RBFOX2: variants seen among roughly 807,000 people sequenced by gnomAD.
The protein encoded by RBFOX2 is RNA binding fox-1 homolog 2.
A neutral mutation model predicts 49.1 loss-of-function variants in RBFOX2; 10 were observed. That is an observed-to-expected ratio of 0.20 (90% CI 0.13 to 0.35). The LOEUF is 0.35. Among genes scored for constraint, RBFOX2 ranks in the 10% least tolerant of loss-of-function variants. The pLI is 1.00. For missense variants in RBFOX2, 323 were observed against 486.9 expected, an observed-to-expected ratio of 0.66 and a Z score of 3.17; for synonymous variants, 183 against 187.4, an observed-to-expected ratio of 0.98 and a Z score of 0.19.
chr22:35,763,634 T>C (rs1939768514), intron 6 of RBFOX2, among the ~76,000 whole-genome samples: 1 of 152,244 alleles, frequency 6.6e-6, no homozygotes, highest in South Asian at 2.1e-4. Context: ...TATTTAGTTT[T>C]AGAAAATTTA....
At chr22:35,839,679 A>T (rs1172462900) in intron 1 of RBFOX2, among the ~76,000 whole-genome samples, 1 of 152,240 alleles carries the variant, frequency 6.6e-6, no homozygotes, top group Non-Finnish European at 1.5e-5. Flanking sequence ...AAAATGAAAC[A>T]TTCTTTTCTA....
chr22:35,775,725 C>T (rs961568157), intron 4 of RBFOX2, among the ~76,000 whole-genome samples: 4 of 151,090 alleles, frequency 2.6e-5, no homozygotes, highest in South Asian at 2.1e-4. Context: ...CCTGTTATCC[C>T]AGCTACTCGG....
chr22:35,877,827 A>G (rs1258207664), intron 1 of RBFOX2, among the ~76,000 whole-genome samples: 1 of 152,112 alleles, frequency 6.6e-6, no homozygotes. Context: ...CTACCACTAT[A>G]AATTCTATAG....
intron 1 of RBFOX2, among the ~76,000 whole-genome samples, chr22:35,990,892 T>C (rs540062173): frequency 1.3e-4 from 20 of 152,304 alleles, no homozygotes; most frequent in African/African-American, 4.8e-4. Context: ...TAGGATTTTA[T>C]GTAAGCATTG....
intron 1 of RBFOX2, among the ~76,000 whole-genome samples, chr22:35,977,645 A>G (rs1365659695): frequency 1.3e-5 from 2 of 149,984 alleles, no homozygotes; most frequent in African/African-American, 4.9e-5. Context: ...ACATGTCTAT[A>G]TTACATTTGT....
intron 1 of RBFOX2, among the ~76,000 whole-genome samples, chr22:35,864,172 C>T (rs756298963): frequency 6.6e-6 from 1 of 152,078 alleles, no homozygotes; most frequent in Non-Finnish European, 1.5e-5. Flanking sequence ...AAATAAAGTA[C>T]AGCTGAACAT....
upstream of RBFOX2, among the ~76,000 whole-genome samples, chr22:35,941,984 T>C (rs1165461373): frequency 7.2e-5 from 11 of 152,222 alleles, no homozygotes; most frequent in Non-Finnish European, 1.0e-4. Context: ...ATGGATCCTA[T>C]TGCAGGTATT....
chr22:35,744,087 G>A (rs576305834), exon 12 of RBFOX2: 2 of 809,268 alleles, frequency 2.5e-6, no homozygotes, highest in East Asian at 6.4e-5. Context: ...GTTTTTTTTT[G>A]TTTGTTTGTT....
chr22:35,786,682 T>G (rs1224252946), intron 2 of RBFOX2, among the ~76,000 whole-genome samples: 3 of 152,162 alleles, frequency 2.0e-5, no homozygotes, highest in Non-Finnish European at 4.4e-5. Context: ...TATTGTACTT[T>G]ACATATATTA....
intron 1 of RBFOX2, among the ~76,000 whole-genome samples, chr22:35,815,245 A>C (rs891602960): frequency 6.6e-6 from 1 of 152,238 alleles, no homozygotes; most frequent in Non-Finnish European, 1.5e-5. Context: ...TGGGTTGTTT[A>C]CTTCAGAGGT....
At chr22:35,873,259 G>A (rs1305531777) in intron 1 of RBFOX2, among the ~76,000 whole-genome samples, 3 of 152,022 alleles carry the variant, frequency 2.0e-5, no homozygotes, top group South Asian at 2.1e-4. Context: ...GGCCTCCCAT[G>A]TATCTGGGAT....
chr22:35,836,599 C>A (rs1197549956), intron 1 of RBFOX2, among the ~76,000 whole-genome samples: 1 of 152,208 alleles, frequency 6.6e-6, no homozygotes, highest in Non-Finnish European at 1.5e-5. Context: ...TCCTCTTGGT[C>A]CTGATGGAAA....
upstream of RBFOX2, among the ~76,000 whole-genome samples, chr22:35,942,769 G>A (rs1015531425): frequency 1.3e-5 from 2 of 150,632 alleles, no homozygotes; most frequent in Non-Finnish European, 3.0e-5. Context: ...ATATAAAGAA[G>A]GATATATAAC....
intron 1 of RBFOX2, among the ~76,000 whole-genome samples, chr22:35,908,319 G>A (rs887670541): frequency 7.2e-5 from 11 of 152,096 alleles, no homozygotes; most frequent in African/African-American, 2.7e-4. Context: ...CTCATCATAA[G>A]TTGAAAATAT....
chr22:35,904,908 G>A (rs532358450), intron 1 of RBFOX2, among the ~76,000 whole-genome samples: 13 of 152,288 alleles, frequency 8.5e-5, no homozygotes, highest in Middle Eastern at 6.8e-3. Flanking sequence ...CAAGAGCCAC[G>A]TGAGGATAGT....
At chr22:35,822,825 G>GT in intron 1 of RBFOX2, 4 of 412,234 alleles carry the variant, frequency 9.7e-6, no homozygotes, top group Admixed American at 3.0e-5. Flanking sequence ...CCTTTGGGTT[G>GT]TCTTTTTTTT....
chr22:35,949,304 G>A (rs781629523), intron 1 of RBFOX2, among the ~76,000 whole-genome samples: 1 of 152,172 alleles, frequency 6.6e-6, no homozygotes, highest in Admixed American at 6.5e-5. Flanking sequence ...CACTTGGGTT[G>A]CCTCCACCTT....
chr22:35,859,130 T>C (rs1475583980), intron 1 of RBFOX2, among the ~76,000 whole-genome samples: 1 of 152,122 alleles, frequency 6.6e-6, no homozygotes, highest in African/African-American at 2.4e-5. Flanking sequence ...CTTATTCCAA[T>C]ATGGCTTGGG....
intron 6 of RBFOX2, 128 bp downstream of exon 7, chr22:35,765,295 G>T: frequency 1.5e-6 from 1 of 661,216 alleles, no homozygotes; most frequent in South Asian, 2.1e-5. Context: ...TACTCTCCCA[G>T]GTAAAGAGAC....
Sources: gnomAD v4.1 joint callset for allele counts (sites outside exome capture counted in the v4.1 genomes callset) on GRCh38, gnomAD v4.1.1 for gene constraint, MANE v1.5 for transcripts, NCBI Gene and HGNC (gene_info 2026-07-23, HGNC 2026-07-21) for gene names.